The following ERBB4 variants were observed in gnomAD, a reference collection of about 807,000 sequenced individuals.
ERBB4 encodes the protein erb-b2 receptor tyrosine kinase 4.
ERBB4 carries 42 observed loss-of-function variants against 158.0 expected under a neutral mutation model. The observed-to-expected ratio is 0.27, with a 90% CI of 0.21 to 0.34. ERBB4 has a LOEUF of 0.34. Ranked by LOEUF, ERBB4 falls within the 10% of genes least tolerant of loss-of-function variation. The pLI is 1.00. For synonymous variants in ERBB4, 583 were observed against 558.7 expected, an observed-to-expected ratio of 1.04 and a Z score of -0.61; for missense variants, 1,333 against 1,624.1, an observed-to-expected ratio of 0.82 and a Z score of 3.08.
intron 1 of ERBB4, among the ~76,000 whole-genome samples, chr2:212,137,339 A>C (rs1453602716): frequency 1.3e-5 from 2 of 151,984 alleles, no homozygotes; most frequent in Non-Finnish European, 2.9e-5. Flanking sequence ...ACTCTCACCC[A>C]CCAATAGGCC....
chr2:211,506,971 G>A (rs989566813), intron 20 of ERBB4, among the ~76,000 whole-genome samples: 1 of 152,066 alleles, frequency 6.6e-6, no homozygotes, highest in Non-Finnish European at 1.5e-5. Flanking sequence ...TAGACTGCTA[G>A]CTAGTTTAAC....
intron 1 of ERBB4, among the ~76,000 whole-genome samples, chr2:212,252,860 A>G (rs1386901009): frequency 1.3e-5 from 2 of 152,108 alleles, no homozygotes; most frequent in South Asian, 2.1e-4. Flanking sequence ...TGTAAAAATT[A>G]AAAGTTGAAA....
In ERBB4 at chr2:211,974,459, G is replaced by T. The variant is rs544799512; in HGVS notation, c.235-26843C>A. ...GAGCTCCTTCCTAAAACCCTCAGTT[G>T]TGGTTCAAATTGTGTCAATTAGCCA... On this transcript the variant is annotated intron_variant, in intron 2 of 27. Transcript: ENST00000342788. 8.5e-5 allele frequency among the ~76,000 whole-genome samples: 13 copies of T among 152,300 alleles called. No homozygotes were observed. The South Asian group carries it at 2.3e-3, about 27-fold the overall frequency.
intron 25 of ERBB4, among the ~76,000 whole-genome samples, chr2:211,394,986 A>T (rs1405493697): frequency 6.6e-6 from 1 of 152,102 alleles, no homozygotes; most frequent in East Asian, 1.9e-4. Context: ...AGGACAAGTA[A>T]TAGAAAAGAT....
intron 16 of ERBB4, 65 bp downstream of exon 16, chr2:211,657,689 T>C (rs2071269317): frequency 4.2e-6 from 5 of 1,191,448 alleles, no homozygotes; most frequent in Non-Finnish European, 6.3e-6. Context: ...AACTGGTTAG[T>C]ACTTTTTGTT....
At chr2:212,231,292 GA>G (rs894465595) in intron 1 of ERBB4, among the ~76,000 whole-genome samples, 45 of 145,968 alleles carry the variant, frequency 3.1e-4, no homozygotes, top group East Asian at 4.0e-4. Context: ...TGTCCGAAAG[GA>G]AAAAAAAAAC....
At chr2:211,735,500 C>T (rs2074572334) in intron 5 of ERBB4, among the ~76,000 whole-genome samples, 1 of 152,086 alleles carries the variant, frequency 6.6e-6, no homozygotes, top group African/African-American at 2.4e-5. Context: ...GTTTTAAATA[C>T]AACGCCAAAT....
At chr2:211,424,070 C>A in intron 23 of ERBB4, 85 bp downstream of exon 23, 1 of 1,343,380 alleles carries the variant, frequency 7.4e-7, no homozygotes, top group South Asian at 1.2e-5. Flanking sequence ...TTTTTCAATA[C>A]AGAGAAATGT....
intron 20 of ERBB4, among the ~76,000 whole-genome samples, chr2:211,527,027 T>G (rs2066368686): frequency 6.6e-6 from 1 of 152,020 alleles, no homozygotes. Context: ...GGTAGAAAGT[T>G]TATTTAAACA....
At chr2:211,928,515 A>T (rs1311011562) in intron 3 of ERBB4, among the ~76,000 whole-genome samples, 1 of 152,172 alleles carries the variant, frequency 6.6e-6, no homozygotes, top group African/African-American at 2.4e-5. Flanking sequence ...CTCCTGTAGA[A>T]ATCTTTTGTG....
At chr2:211,519,559 T>C (rs569441227) in intron 20 of ERBB4, among the ~76,000 whole-genome samples, 8 of 152,170 alleles carry the variant, frequency 5.3e-5, no homozygotes, top group Non-Finnish European at 1.2e-4. Context: ...TGGTTCATAT[T>C]CCAAATTTCA....
At chr2:211,476,406 CAG>C (rs2064955020) in intron 20 of ERBB4, among the ~76,000 whole-genome samples, 1 of 151,802 alleles carries the variant, frequency 6.6e-6, no homozygotes, top group African/African-American at 2.4e-5. Context: ...GTGTGTGGAC[CAG>C]AGTTGAATTT....
At chr2:211,890,199 C>T (rs544230282) in intron 3 of ERBB4, among the ~76,000 whole-genome samples, 7 of 85,216 alleles carry the variant, frequency 8.2e-5, no homozygotes, top group East Asian at 2.9e-4. Flanking sequence ...AGACTAACAG[C>T]GGATCTCTCG....
At chr2:211,518,322 C>G (rs1031172869) in intron 20 of ERBB4, among the ~76,000 whole-genome samples, 3 of 152,010 alleles carry the variant, frequency 2.0e-5, no homozygotes, top group Non-Finnish European at 4.4e-5. Flanking sequence ...GAAGTAAGAA[C>G]AATTCATTAA....
intron 19 of ERBB4, among the ~76,000 whole-genome samples, chr2:211,591,399 T>C (rs2068458639): frequency 6.6e-6 from 1 of 152,222 alleles, no homozygotes; most frequent in Non-Finnish European, 1.5e-5. Flanking sequence ...ATTAACTACA[T>C]TTCCAGACAG....
intron 18 of ERBB4, among the ~76,000 whole-genome samples, chr2:211,623,363 A>G (rs2069710306): frequency 6.6e-6 from 1 of 152,038 alleles, no homozygotes; most frequent in Admixed American, 6.6e-5. Context: ...CATCAAAACC[A>G]TGGAAATTAT....
At chr2:211,716,486 C>T (rs1423884023) in intron 7 of ERBB4, among the ~76,000 whole-genome samples, 1 of 151,050 alleles carries the variant, frequency 6.6e-6, no homozygotes, top group Non-Finnish European at 1.5e-5. Flanking sequence ...ACCATCCCGG[C>T]TAACACGGTG....
rs1410233203 is a variant in ERBB4, at chr2:212,036,918, T to C, written c.234+87834A>G. ...CATTGTGCGTCTAAAGTTCCCCGAATTGAAAAGCAAATCCTAGAGATAGCA... is the reference window on the plus strand; with the variant it reads ...CATTGTGCGTCTAAAGTTCCCCGAACTGAAAAGCAAATCCTAGAGATAGCA... On this transcript the variant is annotated intron_variant, in intron 2 of 27. Coordinates refer to ENST00000342788, the MANE Select transcript of ERBB4 (RefSeq NM_005235.3). Among the ~76,000 whole-genome samples, 4 of 152,194 alleles carry C rather than the reference T, an allele frequency of 2.6e-5. No individual in the cohort carries two copies. In the South Asian group the frequency reaches 6.2e-4, roughly 24 times the overall value.
chr2:212,195,951 A>T (rs959808010), intron 1 of ERBB4, among the ~76,000 whole-genome samples: 1 of 152,120 alleles, frequency 6.6e-6, no homozygotes, highest in Admixed American at 6.6e-5. Context: ...ATAGTCCATC[A>T]TGCATTCCTG....
Sources: allele counts gnomAD v4.1 joint callset (sites outside exome capture counted in the v4.1 genomes callset), GRCh38; gene constraint gnomAD v4.1.1; transcripts MANE v1.5; gene names NCBI Gene and HGNC (gene_info 2026-07-23, HGNC 2026-07-21).